The following FMN2 variants were observed in gnomAD, a reference collection of about 807,000 sequenced individuals.
The protein encoded by FMN2 is formin 2.
Under a neutral mutation model 142.3 loss-of-function variants are expected in FMN2, and 51 were observed. The ratio of observed to expected loss-of-function variants is 0.36; its 90% confidence interval spans 0.29 to 0.45. The LOEUF is 0.45. Among genes scored for constraint, FMN2 ranks in the 20% least tolerant of loss-of-function variants. The probability of loss-of-function intolerance (pLI) is 1.00; values close to 1 mark genes in which losing one functional copy is unlikely to be tolerated. For synonymous variants in FMN2, 882 were observed against 869.8 expected, an observed-to-expected ratio of 1.01 and a Z score of -0.25; for missense variants, 1,936 against 2,122.8, an observed-to-expected ratio of 0.91 and a Z score of 1.73.
At chr1:240,142,164 G>A (rs934807170) in intron 2 of FMN2, among the ~76,000 whole-genome samples, 17 of 152,108 alleles carry the variant, frequency 1.1e-4, no homozygotes, top group African/African-American at 2.9e-4. Context: ...GGAGTACGGC[G>A]GCTTCATTGT....
At chr1:240,282,751 G>A (rs1349007329) in intron 7 of FMN2, among the ~76,000 whole-genome samples, 5 of 152,190 alleles carry the variant, frequency 3.3e-5, no homozygotes, top group African/African-American at 1.2e-4. Flanking sequence ...TTATCATCGA[G>A]TGTAAAATGT....
intron 15 of FMN2, among the ~76,000 whole-genome samples, chr1:240,400,006 T>A (rs1409549383): frequency 6.6e-6 from 1 of 152,174 alleles, no homozygotes; most frequent in Non-Finnish European, 1.5e-5. Flanking sequence ...AAGAATTTCA[T>A]ACCTAAGAGC....
intron 13 of FMN2, 64 bp downstream of exon 13, chr1:240,334,293 T>C (rs1671488659): frequency 1.4e-6 from 2 of 1,463,470 alleles, no homozygotes; most frequent in Admixed American, 2.6e-5. Flanking sequence ...AGGCAGACTT[T>C]TCAATGTTTT....
chr1:240,426,223 CCAGA>C (rs148087831), intron 15 of FMN2, among the ~76,000 whole-genome samples: 2,908 of 151,972 alleles, frequency 0.019, 85 homozygotes, highest in African/African-American at 0.066. Flanking sequence ...TGCACAATTC[CCAGA>C]CAGAGAATTG....
rs749891847 is a variant in FMN2 at position 240,330,723 on chromosome 1, C to T, written c.4558C>T (p.Pro1520Ser). The T allele has an allele frequency of 6.2e-7, 1 of 1,613,834 alleles. No individual in the cohort carries two copies. Among genetic ancestry groups the T allele is most frequent in the Non-Finnish European group, 8.5e-7 (1 of 1,179,870 alleles). Residue 1520 changes from proline (P) to serine (S), a missense_variant, in exon 11 of 18, where the codon CCA becomes TCA. This residue lies in a region of FMN2 where 322 missense variants were observed against 401.6 expected (regional missense o/e 0.80). Coordinates refer to ENST00000319653, the MANE Select transcript of FMN2 (RefSeq NM_020066.5). ...AGATGGCTTTGGATTAGACATTCTT[C>T]CAAAACTGAAAGATGTCAAGAGCAG... ...QADGFGLDIL[P>S]KLKDVKSSDN...
Position 240,474,480 on chromosome 1 carries a change from G to C in FMN2, c.*326G>C, listed in dbSNP as rs958353622. Reference sequence around the variant, plus strand: ...TGCTAAACATTAACTACAATTCACTGTTGTGAGAATATTCCTCGTCACAGC... The same window carrying C: ...TGCTAAACATTAACTACAATTCACTCTTGTGAGAATATTCCTCGTCACAGC... On this transcript the variant is annotated 3_prime_UTR_variant, in exon 18 of 18. Coordinates refer to ENST00000319653, the MANE Select transcript of FMN2 (RefSeq NM_020066.5). The C allele has an allele frequency of 4.2e-6, 1 of 237,892 alleles. No individual in the cohort carries two copies. Among genetic ancestry groups the C allele is most frequent in the Admixed American group, 5.6e-5 (1 of 17,732 alleles). The allele number at this position is 237,892 out of a possible 1,614,324, so 14.7% of individuals were successfully genotyped here.
chr1:240,333,107 A>G (rs1391754619), intron 11 of FMN2, among the ~76,000 whole-genome samples: 1 of 152,198 alleles, frequency 6.6e-6, no homozygotes, highest in Non-Finnish European at 1.5e-5. Context: ...AAAGTAAAAT[A>G]TATACTTGAG....
chr1:240,143,963 T>C, intron 2 of FMN2: 1 of 1,426,778 alleles, frequency 7.0e-7, no homozygotes, highest in East Asian at 2.3e-5. Flanking sequence ...GTTGCTGTTG[T>C]GGAGAACATA....
At chr1:240,257,826 A>G (rs115722236) in intron 6 of FMN2, 119 bp from the exon 7 acceptor site, 6 of 789,338 alleles carry the variant, frequency 7.6e-6, no homozygotes, top group Non-Finnish European at 1.1e-5. Flanking sequence ...TGAATACTTT[A>G]GGTAATGACG....
At chr1:240,414,488 C>T (rs141786470) in intron 15 of FMN2, among the ~76,000 whole-genome samples, 5 of 152,168 alleles carry the variant, frequency 3.3e-5, no homozygotes, top group African/African-American at 9.7e-5. Context: ...AATTCAATTA[C>T]GAAATTTTAA....
intron 8 of FMN2, among the ~76,000 whole-genome samples, chr1:240,316,658 T>C (rs544275811): frequency 2.8e-4 from 42 of 152,228 alleles, no homozygotes; most frequent in African/African-American, 8.4e-4. Context: ...ATAGCTGGGA[T>C]TGGATGTTCA....
At chr1:240,398,239 A>G (rs1396677222) in intron 15 of FMN2, among the ~76,000 whole-genome samples, 1 of 152,142 alleles carries the variant, frequency 6.6e-6, no homozygotes, top group East Asian at 1.9e-4. Context: ...CTTGGCCTCA[A>G]GTGGTCTGCC....
intron 4 of FMN2, among the ~76,000 whole-genome samples, chr1:240,204,668 A>G (rs1666257539): frequency 6.6e-6 from 1 of 152,136 alleles, no homozygotes; most frequent in African/African-American, 2.4e-5. Context: ...GTAGAATTGC[A>G]TGAACCCGCG....
At chr1:240,320,171 G>A (rs1319172570) in intron 8 of FMN2, among the ~76,000 whole-genome samples, 2 of 152,092 alleles carry the variant, frequency 1.3e-5, no homozygotes, top group African/African-American at 4.8e-5. Context: ...GGGTGAGATT[G>A]GGAAGGGGTG....
At chr1:240,162,862 A>G (rs1234324355) in intron 2 of FMN2, among the ~76,000 whole-genome samples, 3 of 152,124 alleles carry the variant, frequency 2.0e-5, no homozygotes, top group Admixed American at 2.0e-4. Flanking sequence ...GTAACCTTCT[A>G]TCTTTTTAAT....
At chr1:240,227,002 A>T (rs767550191) in intron 6 of FMN2, among the ~76,000 whole-genome samples, 1 of 152,222 alleles carries the variant, frequency 6.6e-6, no homozygotes, top group Non-Finnish European at 1.5e-5. Flanking sequence ...AGTCAAGGCA[A>T]TTAGGCAAGG....
chr1:240,415,862 C>T (rs1387830483), intron 15 of FMN2, among the ~76,000 whole-genome samples: 2 of 152,160 alleles, frequency 1.3e-5, no homozygotes, highest in Non-Finnish European at 2.9e-5. Flanking sequence ...CTGCCAGCTT[C>T]GATGAGAATA....
At chr1:240,125,572 C>A (rs1662463086) in intron 2 of FMN2, among the ~76,000 whole-genome samples, 1 of 152,234 alleles carries the variant, frequency 6.6e-6, no homozygotes. Context: ...AAGGCAAACA[C>A]TAGCCATGTC....
intron 16 of FMN2, among the ~76,000 whole-genome samples, chr1:240,453,412 G>A (rs527651866): frequency 6.6e-6 from 1 of 152,032 alleles, no homozygotes; most frequent in Non-Finnish European, 1.5e-5. Context: ...TTAAACAATC[G>A]ACATATCAAT....
Sources: allele counts gnomAD v4.1 joint callset (sites outside exome capture counted in the v4.1 genomes callset), GRCh38; gene constraint gnomAD v4.1.1; regional missense constraint gnomAD v4.1.1; transcripts MANE v1.5; gene names NCBI Gene and HGNC (gene_info 2026-07-23, HGNC 2026-07-21).